DCC: variants seen among roughly 807,000 people sequenced by gnomAD.
DCC encodes netrin receptor DCC.
In DCC, 58 loss-of-function variants were observed where a neutral mutation model predicts 172.5. That is an observed-to-expected ratio of 0.34 (90% CI 0.27 to 0.42). The LOEUF (loss-of-function observed/expected upper bound fraction) is 0.42, where lower values mean the gene tolerates loss of function less well. DCC is among the 10% of genes least tolerant of loss of function. DCC has a pLI of 1.00. For missense variants in DCC, 1,740 were observed against 1,791.0 expected (o/e 0.97, Z 0.51); for synonymous variants, 709 against 644.5 (o/e 1.10, Z -1.52).
At chr18:52,457,328 G>T (rs1988489445) in intron 1 of DCC, among the ~76,000 whole-genome samples, 1 of 152,048 alleles carries the variant, frequency 6.6e-6, no homozygotes, top group Non-Finnish European at 1.5e-5. Flanking sequence ...GTCATGTTTT[G>T]GAGTTTATTA....
chr18:53,366,263 G>T (rs1446014759), intron 15 of DCC, among the ~76,000 whole-genome samples: 1 of 152,038 alleles, frequency 6.6e-6, no homozygotes, highest in Non-Finnish European at 1.5e-5. Flanking sequence ...CACCAGGTTG[G>T]TCTAGAACCC....
chr18:52,724,303 C>T (rs1415732808), intron 1 of DCC, among the ~76,000 whole-genome samples: 4 of 152,014 alleles, frequency 2.6e-5, no homozygotes, highest in Non-Finnish European at 5.9e-5. Flanking sequence ...TGTGCCACCA[C>T]ATCCTGTTAT....
intron 2 of DCC, among the ~76,000 whole-genome samples, chr18:52,802,643 CTTTTTTTTTTTTTTTT>C (rs776080029): frequency 0.011 from 428 of 38,190 alleles, 9 homozygotes; most frequent in Admixed American, 0.045. Context: ...CACGCCAAGC[CTTTTTTTTTTTTTTTT>C]TTTTTTTTTT....
intron 1 of DCC, among the ~76,000 whole-genome samples, chr18:52,342,601 T>C (rs1314110130): frequency 6.6e-6 from 1 of 152,090 alleles, no homozygotes; most frequent in Admixed American, 6.5e-5. Context: ...CTATAGCAGT[T>C]TGGGAGACCT....
At chr18:52,630,996 CT>C (rs1298708470) in intron 1 of DCC, among the ~76,000 whole-genome samples, 1 of 152,142 alleles carries the variant, frequency 6.6e-6, no homozygotes, top group Non-Finnish European at 1.5e-5. Context: ...GTGCTGCACC[CT>C]GGGGAATAGA....
intron 12 of DCC, among the ~76,000 whole-genome samples, chr18:53,265,758 G>T (rs1231489886): frequency 6.6e-6 from 1 of 152,220 alleles, no homozygotes; most frequent in African/African-American, 2.4e-5. Context: ...GCTTTCAGAA[G>T]CTTACAGGGT....
chr18:53,343,257 G>A (rs2057683287), intron 15 of DCC, among the ~76,000 whole-genome samples: 1 of 151,972 alleles, frequency 6.6e-6, no homozygotes, highest in African/African-American at 2.4e-5. Flanking sequence ...GATCTTAGGA[G>A]AAAAAAATTT....
intron 1 of DCC, among the ~76,000 whole-genome samples, chr18:52,376,483 A>ATG (rs35302015): frequency 0.081 from 12,174 of 149,980 alleles, 737 homozygotes; most frequent in South Asian, 0.29. Context: ...GTATATTTCT[A>ATG]TGTGTGTGTG....
At chr18:52,780,308 T>C (rs1189920359) in intron 2 of DCC, among the ~76,000 whole-genome samples, 10 of 152,206 alleles carry the variant, frequency 6.6e-5, no homozygotes, top group Admixed American at 5.2e-4. Flanking sequence ...TTTTGAACTT[T>C]ACAGTTTTGA....
intron 2 of DCC, among the ~76,000 whole-genome samples, chr18:52,905,055 C>T (rs767139181): frequency 3.3e-5 from 5 of 152,026 alleles, no homozygotes; most frequent in Non-Finnish European, 7.4e-5. Flanking sequence ...AACACCTACC[C>T]CTCTCATGTA....
At chr18:53,410,348 C>T (rs1909907059) in intron 19 of DCC, 104 bp from the exon 20 acceptor site, 1 of 769,300 alleles carries the variant, frequency 1.3e-6, no homozygotes. Flanking sequence ...AGATTGTGGA[C>T]ATATAATAAT....
chr18:53,056,098 C>T (rs1161165745), intron 5 of DCC, among the ~76,000 whole-genome samples: 2 of 152,086 alleles, frequency 1.3e-5, no homozygotes, highest in Non-Finnish European at 2.9e-5. Flanking sequence ...AAAGGTACTA[C>T]CTGAGACTGA....
chr18:53,390,846 T>C (rs1908502519), intron 16 of DCC, among the ~76,000 whole-genome samples: 1 of 152,194 alleles, frequency 6.6e-6, no homozygotes, highest in Admixed American at 6.5e-5. Flanking sequence ...TCCAATAATA[T>C]AAAATTGTAG....
chr18:53,112,251 T>G (rs2043344139), intron 7 of DCC, among the ~76,000 whole-genome samples: 1 of 151,576 alleles, frequency 6.6e-6, no homozygotes, highest in Non-Finnish European at 1.5e-5. Context: ...TAATAGCCCA[T>G]TTTTCTATAG....
chr18:53,235,397 T>C (rs1032567686), intron 12 of DCC, among the ~76,000 whole-genome samples: 2 of 152,168 alleles, frequency 1.3e-5, no homozygotes, highest in South Asian at 2.1e-4. Context: ...TATTTATCTT[T>C]TGTCTGAGTA....
intron 7 of DCC, among the ~76,000 whole-genome samples, chr18:53,104,847 GT>G (rs1449823799): frequency 6.6e-6 from 1 of 151,990 alleles, no homozygotes; most frequent in African/African-American, 2.4e-5. Context: ...GTAGAAGTAG[GT>G]TATTTATCAT....
At chr18:52,649,493 A>C (rs1395994897) in intron 1 of DCC, among the ~76,000 whole-genome samples, 1 of 151,780 alleles carries the variant, frequency 6.6e-6, no homozygotes, top group Non-Finnish European at 1.5e-5. Context: ...GCTATCTTGT[A>C]TAGTGGTGGC....
Position 53,450,657 on chromosome 18 carries a change from G to T in DCC, c.3387G>T (p.Gln1129His). ...VICTRRSSAQQRKKRATHSAG... is the reference protein window; with the variant it reads ...VICTRRSSAQHRKKRATHSAG... ...GCACCCGACGCTCTTCAGCCCAGCA[G>T]AGAAAGTAGGTAACAGCTGGTTCCC... The change falls in exon 23 of 29, where the codon CAG (glutamine) becomes CAT (histidine). Residue 1129 changes from glutamine (Q) to histidine (H), a missense_variant. Gln to His is a conservative substitution (Grantham distance 24). Transcript: ENST00000442544. 1 of 1,613,070 alleles carries T rather than the reference G, an allele frequency of 6.2e-7. No homozygotes were observed. Among genetic ancestry groups the T allele is most frequent in the South Asian group, 1.1e-5 (1 of 91,070 alleles).
At chr18:53,441,593 T>G (rs2048238890) in intron 22 of DCC, among the ~76,000 whole-genome samples, 1 of 152,166 alleles carries the variant, frequency 6.6e-6, no homozygotes, top group Non-Finnish European at 1.5e-5. Context: ...AACCTGAGTC[T>G]CTCATTCTTT....
Sources: allele counts gnomAD v4.1 joint callset (sites outside exome capture counted in the v4.1 genomes callset), GRCh38; gene constraint gnomAD v4.1.1; transcripts MANE v1.5; gene names NCBI Gene and HGNC (gene_info 2026-07-23, HGNC 2026-07-21).